ZDHHC14: variants seen among roughly 807,000 people sequenced by gnomAD.
The protein encoded by ZDHHC14 is zDHHC palmitoyltransferase 14.
Under a neutral mutation model 47.7 loss-of-function variants are expected in ZDHHC14, and 16 were observed. The observed-to-expected ratio is 0.34, with a 90% CI of 0.23 to 0.51. The LOEUF (loss-of-function observed/expected upper bound fraction) is 0.51. Ranked by LOEUF, ZDHHC14 falls within the 20% of genes least tolerant of loss-of-function variation. ZDHHC14 has a pLI of 0.97. For missense variants in ZDHHC14, 515 were observed against 662.5 expected (o/e 0.78, Z 2.44); for synonymous variants, 293 against 278.9 (o/e 1.05, Z -0.50).
intron 1 of ZDHHC14, among the ~76,000 whole-genome samples, chr6:157,444,682 A>G (rs1778625815): frequency 6.6e-6 from 1 of 152,058 alleles, no homozygotes; most frequent in Admixed American, 6.6e-5. Context: ...CGTCAAAAAA[A>G]AAAAAAAAGG....
chr6:157,527,991 C>T (rs1312973564), intron 1 of ZDHHC14, among the ~76,000 whole-genome samples: 4 of 152,306 alleles, frequency 2.6e-5, no homozygotes, highest in African/African-American at 9.6e-5. Flanking sequence ...AAAGGTGGCA[C>T]TTATTTAATT....
chr6:157,476,780 C>T (rs1444986332), intron 1 of ZDHHC14, among the ~76,000 whole-genome samples: 1 of 152,160 alleles, frequency 6.6e-6, no homozygotes, highest in Admixed American at 6.5e-5. Context: ...TAATACACCA[C>T]ATTAACAGAA....
chr6:157,616,692 C>T (rs897625184), intron 3 of ZDHHC14, among the ~76,000 whole-genome samples: 10 of 152,130 alleles, frequency 6.6e-5, no homozygotes, highest in African/African-American at 1.9e-4. Context: ...CAACCACACA[C>T]GAGGCAGGAG....
At chr6:157,599,913 C>G (rs560865917) in intron 3 of ZDHHC14, among the ~76,000 whole-genome samples, 1 of 152,102 alleles carries the variant, frequency 6.6e-6, no homozygotes, top group Non-Finnish European at 1.5e-5. Flanking sequence ...ATTATTTTGC[C>G]GTTGTGTTAA....
At chr6:157,555,831 C>T (rs184923284) in intron 2 of ZDHHC14, among the ~76,000 whole-genome samples, 7 of 152,264 alleles carry the variant, frequency 4.6e-5, no homozygotes, top group South Asian at 4.1e-4. Context: ...AATTATCTCC[C>T]GACATTGCCA....
intron 1 of ZDHHC14, among the ~76,000 whole-genome samples, chr6:157,455,191 C>A (rs550474587): frequency 6.6e-6 from 1 of 152,306 alleles, no homozygotes; most frequent in South Asian, 2.1e-4. Context: ...GAAGCATTTC[C>A]CAGTCTGCAT....
At chr6:157,386,154 T>C (rs1027618331) in intron 1 of ZDHHC14, among the ~76,000 whole-genome samples, 1 of 152,020 alleles carries the variant, frequency 6.6e-6, no homozygotes, top group Non-Finnish European at 1.5e-5. Flanking sequence ...GAAGGGAACA[T>C]GTAGGTTAAG....
intron 1 of ZDHHC14, among the ~76,000 whole-genome samples, chr6:157,426,123 G>A (rs1778211916): frequency 6.6e-6 from 1 of 152,160 alleles, no homozygotes; most frequent in Non-Finnish European, 1.5e-5. Flanking sequence ...TCTAAAGGAG[G>A]CGGTCATGCT....
chr6:157,610,367 G>A (rs1460296269), intron 3 of ZDHHC14, among the ~76,000 whole-genome samples: 2 of 152,190 alleles, frequency 1.3e-5, no homozygotes, highest in African/African-American at 4.8e-5. Context: ...GGGAGGCGGA[G>A]CTTGCAGTGA....
intron 1 of ZDHHC14, among the ~76,000 whole-genome samples, chr6:157,382,883 G>C (rs530799736): frequency 2.6e-5 from 4 of 152,264 alleles, no homozygotes; most frequent in Admixed American, 2.6e-4. Flanking sequence ...TTTGCCATGA[G>C]GTTTCTAAAC....
chr6:157,406,878 A>G (rs1032896256), intron 1 of ZDHHC14, among the ~76,000 whole-genome samples: 1 of 152,158 alleles, frequency 6.6e-6, no homozygotes, highest in Non-Finnish European at 1.5e-5. Context: ...CCTGACATGC[A>G]GAAGAGCCTC....
At chr6:157,631,776 G>A (rs1785751500) in intron 4 of ZDHHC14, 1 of 152,300 alleles carries the variant, frequency 6.6e-6, no homozygotes, top group African/African-American at 2.4e-5. Context: ...TCAAGGCTGT[G>A]TTTGCTCCAC....
At chr6:157,409,616 C>G (rs1381243713) in intron 1 of ZDHHC14, among the ~76,000 whole-genome samples, 1 of 152,162 alleles carries the variant, frequency 6.6e-6, no homozygotes, top group Non-Finnish European at 1.5e-5. Context: ...CCTCTGCCCT[C>G]GTGGAGCAGA....
At chr6:157,434,045 T>C (rs1275324343) in intron 1 of ZDHHC14, among the ~76,000 whole-genome samples, 2 of 152,250 alleles carry the variant, frequency 1.3e-5, no homozygotes, top group South Asian at 4.1e-4. Context: ...AATGGCTCAG[T>C]ACATGGTTTT....
intron 1 of ZDHHC14, among the ~76,000 whole-genome samples, chr6:157,490,208 A>G (rs901413829): frequency 2.6e-5 from 4 of 152,222 alleles, no homozygotes; most frequent in African/African-American, 9.6e-5. Context: ...GTGAAAAATT[A>G]TAAGGGTCTC....
chr6:157,574,252 A>G (rs776487802), intron 2 of ZDHHC14, among the ~76,000 whole-genome samples: 81 of 151,978 alleles, frequency 5.3e-4, no homozygotes, highest in Admixed American at 7.9e-4. Context: ...GCAAAATCCT[A>G]TCTCTACTAA....
chr6:157,382,016 TC>T lies in ZDHHC14; in HGVS notation c.-5del. 1.3e-6 allele frequency: 2 copies of T among 1,483,790 alleles called. No individual in the cohort carries two copies. Among genetic ancestry groups the T allele is most frequent in the Non-Finnish European group, 1.8e-6 (2 of 1,117,174 alleles). 91.9% of individuals were successfully genotyped at this position (1,483,790 alleles called of 1,614,324 possible). On this transcript the variant is annotated 5_prime_UTR_variant, in exon 1 of 9. Coordinates refer to ENST00000359775, the MANE Select transcript of ZDHHC14 (RefSeq NM_024630.3). ...GGTGTGCGCCCCCAGCCGGCTGCCC[TC>T]GTGGATGCCTCCCGGCGGCGGCGGG...
At chr6:157,398,087 C>CCCCAGCTCCCCAG in intron 1 of ZDHHC14, among the ~76,000 whole-genome samples, 1 of 147,646 alleles carries the variant, frequency 6.8e-6, no homozygotes, top group South Asian at 2.1e-4. Context: ...GCTCCCCAGC[C>CCCCAGCTCCCCAG]CCCCCCGGCT....
intron 1 of ZDHHC14, among the ~76,000 whole-genome samples, chr6:157,425,861 A>G (rs1167747645): frequency 6.6e-6 from 1 of 151,798 alleles, no homozygotes; most frequent in East Asian, 1.9e-4. Context: ...CAACCTTAGA[A>G]CCCTTGGACA....
Sources: allele counts gnomAD v4.1 joint callset (sites outside exome capture counted in the v4.1 genomes callset), GRCh38; gene constraint gnomAD v4.1.1; transcripts MANE v1.5; gene names NCBI Gene and HGNC (gene_info 2026-07-23, HGNC 2026-07-21).